Variants in CUL2 observed in about 807,000 individuals in gnomAD.
CUL2 encodes the protein cullin-2.
Under a neutral mutation model 110.2 loss-of-function variants are expected in CUL2, and 22 were observed. The ratio of observed to expected loss-of-function variants is 0.20; its 90% CI spans 0.14 to 0.28. The LOEUF (loss-of-function observed/expected upper bound fraction) is 0.28, where lower values mean the gene tolerates loss of function less well. Among genes scored for constraint, CUL2 ranks in the 10% least tolerant of loss-of-function variants. The pLI is 1.00. For synonymous variants in CUL2, 279 were observed against 293.2 expected, an observed-to-expected ratio of 0.95 and a Z score of 0.49; for missense variants, 631 against 905.5, an observed-to-expected ratio of 0.70 and a Z score of 3.89.
intron 17 of CUL2, among the ~76,000 whole-genome samples, chr10:35,021,292 T>C (rs1484112332): frequency 6.6e-6 from 1 of 151,766 alleles, no homozygotes; most frequent in East Asian, 1.9e-4. Flanking sequence ...AGTCTTGCTC[T>C]GTCGCCCAGG....
intron 1 of CUL2, among the ~76,000 whole-genome samples, chr10:35,074,582 G>A (rs1016311636): frequency 4.6e-5 from 7 of 151,918 alleles, no homozygotes; most frequent in African/African-American, 1.2e-4. Context: ...CACCTCCCAC[G>A]TTCAAGTGAT....
intron 9 of CUL2, 36 bp downstream of exon 9, chr10:35,038,884 A>G (rs772297563): frequency 1.4e-6 from 2 of 1,445,008 alleles, no homozygotes; most frequent in Non-Finnish European, 1.9e-6. Context: ...AGGTGGATTT[A>G]TAATTTAATT....
intron 3 of CUL2, among the ~76,000 whole-genome samples, chr10:35,062,436 C>A (rs1000679296): frequency 6.6e-6 from 1 of 152,166 alleles, no homozygotes; most frequent in African/African-American, 2.4e-5. Context: ...CGTAGGAGCA[C>A]ATTTTAAAAC....
chr10:35,122,835 G>T (rs536464703), intron 1 of CUL2, among the ~76,000 whole-genome samples: 1 of 152,158 alleles, frequency 6.6e-6, no homozygotes, highest in East Asian at 1.9e-4. Context: ...ATGGGGTTTT[G>T]CCATATTAGC....
chr10:35,044,429 G>A, intron 8 of CUL2, 137 bp downstream of exon 8: 1 of 553,998 alleles, frequency 1.8e-6, no homozygotes. Flanking sequence ...CTGTAACTCA[G>A]AGTTAATGAT....
intron 10 of CUL2, among the ~76,000 whole-genome samples, chr10:35,034,960 G>A (rs563848510): frequency 6.2e-4 from 94 of 152,336 alleles, no homozygotes; most frequent in Middle Eastern, 3.4e-3. Flanking sequence ...CCTCCGTATG[G>A]CTAAGCAGCA....
In CUL2 at chr10:35,076,315, A is replaced by G. The variant is rs566265511; in HGVS notation, c.-22-4976T>C. On this transcript the variant is annotated intron_variant, in intron 1 of 20. Coordinates refer to ENST00000374749, the MANE Select transcript of CUL2 (RefSeq NM_003591.4). ...GCCAACAGGGTGAGGAAAATGCTCT[A>G]AAGTTGATTGTCATGATAGTTGCAC... is the stretch of plus-strand genomic sequence containing the variant. Among the ~76,000 whole-genome samples the G allele has an allele frequency of 2.6e-5, 4 of 152,284 alleles. No homozygotes were observed. The South Asian group carries it at 6.2e-4, about 24-fold the overall frequency.
intron 1 of CUL2, among the ~76,000 whole-genome samples, chr10:35,113,498 CAAAAA>C (rs59518617): frequency 7.2e-4 from 24 of 33,304 alleles, no homozygotes; most frequent in Admixed American, 2.1e-3. Flanking sequence ...GACTCTGCCT[CAAAAA>C]AAAAAAAAAA....
intron 3 of CUL2, among the ~76,000 whole-genome samples, chr10:35,062,138 A>G (rs2086399428): frequency 6.6e-6 from 1 of 152,178 alleles, no homozygotes; most frequent in South Asian, 2.1e-4. Flanking sequence ...AGTAGTCTAA[A>G]TTAAGTTGGA....
intron 1 of CUL2, among the ~76,000 whole-genome samples, chr10:35,082,596 G>A (rs186530956): frequency 6.6e-6 from 1 of 152,230 alleles, no homozygotes; most frequent in East Asian, 1.9e-4. Flanking sequence ...TTAAAAACTA[G>A]ATCACAGGTA....
chr10:35,016,275 T>C lies in CUL2; in HGVS notation c.1804A>G (p.Ser602Gly). Residue 602 changes from serine (S) to glycine (G), a missense_variant, in exon 18 of 21, where the codon AGC (serine) becomes GGC (glycine). Ser to Gly is a moderately conservative substitution (Grantham distance 56). Transcript: ENST00000374749. ...AGTTCCTTTTCATTCATCTGAGTGC[T>C]GTCCTGAAGCTCTTTATAACTGACA... is the stretch of plus-strand genomic sequence containing the variant. ...ETVSYKELQD[S>G]TQMNEKELTK... 1 of 1,614,080 alleles carries C rather than the reference T, an allele frequency of 6.2e-7. No individual in the cohort carries two copies. Among genetic ancestry groups the C allele is most frequent in the Non-Finnish European group, 8.5e-7 (1 of 1,179,954 alleles).
chr10:35,064,732 A>G (rs1039676553), intron 2 of CUL2, among the ~76,000 whole-genome samples: 1 of 152,172 alleles, frequency 6.6e-6, no homozygotes, highest in Non-Finnish European at 1.5e-5. Context: ...TTGTAGAAAC[A>G]GGGTCTCACC....
At chr10:35,055,084 C>A (rs2086209466) in intron 4 of CUL2, among the ~76,000 whole-genome samples, 1 of 152,088 alleles carries the variant, frequency 6.6e-6, no homozygotes, top group South Asian at 2.1e-4. Context: ...TAATATATTT[C>A]AAGACTAATA....
At chr10:35,019,136 C>A (rs556567500) in intron 17 of CUL2, among the ~76,000 whole-genome samples, 1 of 152,074 alleles carries the variant, frequency 6.6e-6, no homozygotes, top group Non-Finnish European at 1.5e-5. Context: ...TCTGCAATGA[C>A]GACTTAATCA....
intron 1 of CUL2, among the ~76,000 whole-genome samples, chr10:35,088,887 C>T (rs2087129477): frequency 6.6e-6 from 1 of 152,158 alleles, no homozygotes. Context: ...TAATTCAAAA[C>T]ACTGTGGGCT....
At chr10:35,108,327 T>A (rs2087488108) in intron 1 of CUL2, among the ~76,000 whole-genome samples, 1 of 151,164 alleles carries the variant, frequency 6.6e-6, no homozygotes, top group South Asian at 2.1e-4. Flanking sequence ...TGTTGTGGTG[T>A]GTGCCTGTAG....
intron 9 of CUL2, among the ~76,000 whole-genome samples, chr10:35,037,055 G>A (rs146856364): frequency 2.0e-4 from 30 of 152,242 alleles, no homozygotes; most frequent in Admixed American, 2.0e-3. Flanking sequence ...GTTCCTTTGT[G>A]GTTAGGGCTT....
At chr10:35,044,476 G>A (rs2134803735) in intron 8 of CUL2, 90 bp downstream of exon 8, 1 of 760,432 alleles carries the variant, frequency 1.3e-6, no homozygotes, top group Non-Finnish European at 2.0e-6. Flanking sequence ...TTTCCACCAA[G>A]AAACAAAACA....
chr10:35,038,525 C>CAAAAAAAAAA (rs61022194), intron 9 of CUL2, among the ~76,000 whole-genome samples: 1 of 65,484 alleles, frequency 1.5e-5, no homozygotes, highest in African/African-American at 6.7e-5. Context: ...GACTCTGTCT[C>CAAAAAAAAAA]AAAAAAAAAA....
Sources: allele counts gnomAD v4.1 joint callset (sites outside exome capture counted in the v4.1 genomes callset), GRCh38; gene constraint gnomAD v4.1.1; transcripts MANE v1.5; gene names NCBI Gene and HGNC (gene_info 2026-07-23, HGNC 2026-07-21).